RGL3: variants seen among roughly 807,000 people sequenced by gnomAD.
The protein encoded by RGL3 is ral guanine nucleotide dissociation stimulator like 3, also known as ral guanine nucleotide dissociation stimulator-like 3.
RGL3 carries 85 observed loss-of-function variants against 90.6 expected under a neutral mutation model. The ratio of observed to expected loss-of-function variants is 0.94; its 90% confidence interval spans 0.79 to 1.12. The LOEUF (loss-of-function observed/expected upper bound fraction) is 1.12. Ranked by LOEUF, RGL3 falls within the 50% of genes most tolerant of loss-of-function variation. The pLI is 0.00. For missense variants in RGL3, 1,034 were observed against 939.2 expected (o/e 1.10, Z -1.32); for synonymous variants, 408 against 385.5 (o/e 1.06, Z -0.68).
rs1237743835 is a variant in RGL3 at position 11,418,721 on chromosome 19, G to GCC, written c.95_96dup (p.Arg33GlyfsTer35). 2 of 1,576,574 alleles carry GCC rather than the reference G, an allele frequency of 1.3e-6. No individual in the cohort carries two copies. The highest frequency in any genetic ancestry group is 3.6e-5 in the Admixed American group (2 of 55,448). On this transcript the variant is annotated frameshift_variant, in exon 2 of 19. Transcript: ENST00000380456. LOFTEE classifies it high-confidence loss of function. Reference sequence around the variant, plus strand: ...GGGCTCCTGCGCTGACTGCGCTGCCGCCGCAGGGAGACACTGTACACCGCG... The same window carrying GCC: ...GGGCTCCTGCGCTGACTGCGCTGCCGCCCCGCAGGGAGACACTGTACACCGCG...
At chr19:11,408,273 C>T (rs927370594) in intron 5 of RGL3, among the ~76,000 whole-genome samples, 1 of 152,174 alleles carries the variant, frequency 6.6e-6, no homozygotes, top group African/African-American at 2.4e-5. Flanking sequence ...CTGTGGATTT[C>T]GTTTTTGTTT....
chr19:11,397,644 T>C, intron 16 of RGL3, 47 bp from the exon 17 acceptor site: 1 of 1,471,494 alleles, frequency 6.8e-7, no homozygotes, highest in Non-Finnish European at 9.0e-7. Flanking sequence ...CATCTGCAGA[T>C]GCTGAGGGCT....
intron 18 of RGL3, among the ~76,000 whole-genome samples, chr19:11,395,612 C>G (rs936606915): frequency 6.6e-6 from 1 of 152,132 alleles, no homozygotes; most frequent in African/African-American, 2.4e-5. Context: ...CCTTCTCTCA[C>G]TCGACCCTAG....
Position 11,410,095 on chromosome 19 carries a change from G to C in RGL3, c.638-3231C>G, listed in dbSNP as rs116027701. On this transcript the variant is annotated intron_variant, in intron 5 of 18. Transcript: ENST00000380456. ...CTGGGACTACAGGAGGTGCCACTAT[G>C]CCCAGCCAGCTAATTTAAATATATA... Among the ~76,000 whole-genome samples the C allele has an allele frequency of 3.9e-3, 588 of 150,924 alleles. 7 individuals carry two copies. Among genetic ancestry groups the C allele is most frequent in the African/African-American group, 0.014 (563 of 41,280 alleles).
At position 11,400,305 on chromosome 19, in the gene RGL3, G is replaced by GTCAA. The variant is rs761927964; in HGVS notation, c.1485-12_1485-9dup. ...ACCCGGGAGAGCCGGTAGCTGAGGGGTCAATATGTGGATGAGGTGGTGGGG... is the reference window on the plus strand; with the variant it reads ...ACCCGGGAGAGCCGGTAGCTGAGGGGTCAATCAATATGTGGATGAGGTGGTGGGG... On this transcript the variant is annotated splice_polypyrimidine_tract_variant and intron_variant, in intron 13 of 18. Transcript: ENST00000380456. 7 of 1,570,816 alleles carry GTCAA rather than the reference G, an allele frequency of 4.5e-6. No homozygotes were observed. The South Asian group carries it at 8.3e-5, about 19-fold the overall frequency.
rs1315552688 is a variant in RGL3, at chr19:11,402,212, C to G, written c.1362+3G>C. 6.2e-7 allele frequency: 1 copy of G among 1,613,276 alleles called. No individual in the cohort carries two copies. Among genetic ancestry groups the G allele is most frequent in the African/African-American group, 1.3e-5 (1 of 75,002 alleles). On this transcript the variant is annotated splice_donor_region_variant and intron_variant, in intron 12 of 18. Coordinates refer to ENST00000380456, the MANE Select transcript of RGL3 (RefSeq NM_001035223.4). Reference sequence around the variant, plus strand: ...CACCACACCCACTGTAGCCTCCACTCACCTTCCTCCTCTTCTCAAAGTTAA... The same window carrying G: ...CACCACACCCACTGTAGCCTCCACTGACCTTCCTCCTCTTCTCAAAGTTAA...
Position 11,397,322 on chromosome 19 carries a change from G to T in RGL3, c.1936C>A (p.Arg646=). The part of the protein sequence containing the change: ...SQDKAPSVVR[R]ALQKHNVPQP... ...GGCACATTGTGCTTCTGCAAGGCTC[G>T]CCGGACCACGCTGGGGGCTTTGTCC... The change falls in exon 18 of 19, where the codon CGA becomes AGA. Residue 646 remains arginine (R), a synonymous_variant. Coordinates refer to ENST00000380456, the MANE Select transcript of RGL3 (RefSeq NM_001035223.4). 6.2e-7 allele frequency: 1 copy of T among 1,609,666 alleles called. No homozygotes were observed. The highest frequency in any genetic ancestry group is 8.5e-7 in the Non-Finnish European group (1 of 1,177,858).
intron 18 of RGL3, among the ~76,000 whole-genome samples, chr19:11,394,950 AG>A (rs1429706578): frequency 1.3e-5 from 2 of 151,848 alleles, no homozygotes; most frequent in Non-Finnish European, 2.9e-5. Flanking sequence ...AAAATGAGCT[AG>A]GCATGGTGGC....
chr19:11,400,115 A>C lies in RGL3; in HGVS notation c.1581-7T>G, dbSNP rs765388303. 9.3e-6 allele frequency: 15 copies of C among 1,607,486 alleles called. No homozygotes were observed. The highest frequency in any genetic ancestry group is 3.3e-4 in the Middle Eastern group (2 of 6,042). On this transcript the variant is annotated splice_region_variant and splice_polypyrimidine_tract_variant and intron_variant, in intron 14 of 18. Transcript: ENST00000380456. The stretch of plus-strand genomic sequence containing the variant: ...TTTCTCTCGGGCAAGCTTCCTAAGG[A>C]TGGGGACAGGGGATGAGGCTAAGGC...
At position 11,416,816 on chromosome 19, in the gene RGL3, G is replaced by C; in HGVS notation, c.371+20C>G. 6.2e-7 allele frequency: 1 copy of C among 1,612,558 alleles called. No individual in the cohort carries two copies. Among genetic ancestry groups the C allele is most frequent in the Non-Finnish European group, 8.5e-7 (1 of 1,178,866 alleles). On this transcript the variant is annotated intron_variant, in intron 3 of 18. Transcript: ENST00000380456. ...GGGGTTCTAGGGTGGAGAATACGGA[G>C]GTTATGGTTCGCTACTGACCCGGGA... is the stretch of plus-strand genomic sequence containing the variant.
At chr19:11,405,103 G>T in intron 9 of RGL3, 44 bp downstream of exon 9, 2 of 1,556,746 alleles carry the variant, frequency 1.3e-6, no homozygotes, top group South Asian at 1.1e-5. Context: ...TCCCTCCCCC[G>T]ACTTCCCGGG....
At position 11,406,408 on chromosome 19, in the gene RGL3, C is replaced by G. The variant is rs567332193; in HGVS notation, c.996+11G>C. ...CCGCCCCCGCATCCCCTCTCCGCGC[C>G]CGCAACACACCTGGGCGATGCGGAT... On this transcript the variant is annotated intron_variant, in intron 7 of 18. Transcript: ENST00000380456. The G allele has an allele frequency of 1.3e-6, 2 of 1,526,910 alleles. No homozygotes were observed. The highest frequency in any genetic ancestry group is 2.7e-5 in the African/African-American group (2 of 72,882). The allele number at this position is 1,526,910 out of a possible 1,614,324, so 94.6% of individuals were successfully genotyped here.
At chr19:11,407,641 C>T (rs1421469942) in intron 5 of RGL3, among the ~76,000 whole-genome samples, 1 of 151,026 alleles carries the variant, frequency 6.6e-6, no homozygotes, top group African/African-American at 2.4e-5. Context: ...GATGCAAACT[C>T]GTCCACTAGC....
rs138938094 is a variant in RGL3 at position 11,402,498 on chromosome 19, G to A, written c.1286C>T (p.Thr429Met). 33 of 1,604,798 alleles carry A rather than the reference G, an allele frequency of 2.1e-5. No homozygotes were observed. The highest frequency in any genetic ancestry group is 7.8e-5 in the South Asian group (7 of 90,314). Residue 429 changes from threonine (T) to methionine (M), a missense_variant, in exon 11 of 19, where the codon ACG becomes ATG. Thr to Met is a moderately conservative substitution (Grantham distance 81, BLOSUM62 -1). Transcript: ENST00000380456. ...GPVPYLGTFL[T>M]DLVMLDTALP... ...GGCTGTGTCCAGCATAACCAGGTCC[G>A]TAAGGAAGGTGCCAAGGTAGGGGAC...
Position 11,402,114 on chromosome 19 carries a change from G to A in RGL3, c.1381C>T (p.Arg461Cys), listed in dbSNP as rs565401547. ...CAGCGCCTCTGCAGCTGCTGGATGC[G>A]GGCCAGGATCTCCCACTCCTGGAGG... ...KRRKEWEILA[R>C]IQQLQRRCQS... is the part of the protein sequence containing the mutation. Residue 461 changes from arginine to cysteine, a missense_variant, in exon 13 of 19, where the codon CGC (arginine) becomes TGC (cysteine). Arg to Cys is a radical substitution (Grantham distance 180). Coordinates refer to ENST00000380456, the MANE Select transcript of RGL3 (RefSeq NM_001035223.4). The A allele has an allele frequency of 5.5e-5, 89 of 1,605,314 alleles. No homozygotes were observed. The South Asian group carries it at 6.6e-4, about 12-fold the overall frequency.
At chr19:11,414,153 A>ATATATATATATACACACC (rs1968921393) in intron 5 of RGL3, among the ~76,000 whole-genome samples, 2 of 85,026 alleles carry the variant, frequency 2.4e-5, no homozygotes, top group Non-Finnish European at 4.5e-5. Flanking sequence ...ATATATATAT[A>ATATATATATATACACACC]TATATATATA....
intron 9 of RGL3, among the ~76,000 whole-genome samples, chr19:11,403,361 G>A (rs1489997126): frequency 9.5e-5 from 14 of 146,652 alleles, no homozygotes; most frequent in Non-Finnish European, 2.0e-4. Context: ...AGAAAGGGCT[G>A]GACATGGTGG....
chr19:11,406,076 C>G (rs990861432), intron 7 of RGL3, among the ~76,000 whole-genome samples: 2 of 151,762 alleles, frequency 1.3e-5, no homozygotes, highest in Non-Finnish European at 2.9e-5. Flanking sequence ...GTCTCACATC[C>G]GACAAGCTAC....
intron 2 of RGL3, 107 bp from the exon 3 acceptor site, chr19:11,417,166 T>G: frequency 1.1e-6 from 1 of 917,320 alleles, no homozygotes; most frequent in African/African-American, 1.7e-5. Context: ...TTGTTTTTTT[T>G]TTTGAGACAG....
Sources: allele counts gnomAD v4.1 joint callset (sites outside exome capture counted in the v4.1 genomes callset), GRCh38; gene constraint gnomAD v4.1.1; transcripts MANE v1.5; gene names NCBI Gene and HGNC (gene_info 2026-07-23, HGNC 2026-07-21).